ERBB4: variants seen among roughly 807,000 people sequenced by gnomAD.
ERBB4 encodes erb-b2 receptor tyrosine kinase 4.
A neutral mutation model predicts 158.0 loss-of-function variants in ERBB4; 42 were observed. That is an observed-to-expected ratio of 0.27 (90% CI 0.21 to 0.34). The LOEUF is 0.34. Among genes scored for constraint, ERBB4 ranks in the 10% least tolerant of loss-of-function variants. ERBB4 has a pLI of 1.00. For synonymous variants in ERBB4, 583 were observed against 558.7 expected (o/e 1.04, Z -0.61); for missense variants, 1,333 against 1,624.1 (o/e 0.82, Z 3.08).
chr2:212,384,710 G>C (rs1393909525), intron 1 of ERBB4, among the ~76,000 whole-genome samples: 1 of 151,306 alleles, frequency 6.6e-6, no homozygotes, highest in Non-Finnish European at 1.5e-5. Flanking sequence ...CATAATTACA[G>C]CATTCATTTT....
intron 20 of ERBB4, among the ~76,000 whole-genome samples, chr2:211,561,016 G>A (rs532893645): frequency 4.6e-5 from 7 of 152,234 alleles, no homozygotes; most frequent in African/African-American, 1.2e-4. Context: ...ATATTTTGAT[G>A]TAACTAAGAG....
In ERBB4 at chr2:212,267,199, T is replaced by G. The variant is rs1361553299; in HGVS notation, c.83-142296A>C. ...AAAGTTAAATTGAAGAGCTGCTTTG[T>G]GAACATGCATTTCAATAAACCATAA... On this transcript the variant is annotated intron_variant, in intron 1 of 27. Coordinates refer to ENST00000342788, the MANE Select transcript of ERBB4 (RefSeq NM_005235.3). Among the ~76,000 whole-genome samples, 7 of 152,102 alleles carry G rather than the reference T, an allele frequency of 4.6e-5. No homozygotes were observed. The East Asian group carries it at 1.4e-3, about 29-fold the overall frequency.
At chr2:212,062,057 TA>T (rs914117743) in intron 2 of ERBB4, among the ~76,000 whole-genome samples, 33 of 152,266 alleles carry the variant, frequency 2.2e-4, no homozygotes, top group African/African-American at 7.9e-4. Context: ...TTTATACTGT[TA>T]AAAAAATCTA....
chr2:211,383,719 G>A lies in ERBB4; in HGVS notation c.3823C>T (p.Arg1275Trp), dbSNP rs397514263. 56 of 1,613,892 alleles carry A rather than the reference G, an allele frequency of 3.5e-5. No individual in the cohort carries two copies. Among genetic ancestry groups the A allele is most frequent in the East Asian group, 1.1e-4 (5 of 44,882 alleles). Residue 1275 changes from arginine (R) to tryptophan (W), a missense_variant, in exon 28 of 28, where the codon CGG becomes TGG. This residue lies in a region of ERBB4 where 84 missense variants were observed against 110.8 expected (regional missense o/e 0.76). Transcript: ENST00000342788. Reference protein sequence around the residue: ...KYFYKQNGRIRPIVAENPEYL... With the variant: ...KYFYKQNGRIWPIVAENPEYL... ...TCAGGATTCTCTGCCACAATAGGCC[G>A]GATCCGCCCATTCTGTTTATAAAAA...
intron 2 of ERBB4, among the ~76,000 whole-genome samples, chr2:211,965,616 G>C (rs1382483266): frequency 6.6e-6 from 1 of 151,972 alleles, no homozygotes; most frequent in East Asian, 1.9e-4. Flanking sequence ...AGCAGAAAAT[G>C]AAAGTAGTTG....
intron 2 of ERBB4, among the ~76,000 whole-genome samples, chr2:212,112,509 A>G (rs1332398029): frequency 6.6e-6 from 1 of 151,924 alleles, no homozygotes; most frequent in East Asian, 1.9e-4. Flanking sequence ...TGGTTTCTTT[A>G]AGTAACAAAT....
intron 1 of ERBB4, among the ~76,000 whole-genome samples, chr2:212,210,213 C>A (rs1442761147): frequency 1.3e-4 from 17 of 135,626 alleles, no homozygotes; most frequent in East Asian, 4.4e-4. Context: ...AATGCTAGTG[C>A]AAAAAAAAAA....
intron 2 of ERBB4, among the ~76,000 whole-genome samples, chr2:212,008,059 C>A (rs62183383): frequency 6.6e-6 from 1 of 152,000 alleles, no homozygotes; most frequent in Admixed American, 6.6e-5. Context: ...TATTTTATTT[C>A]TAAAAATGTC....
chr2:212,141,053 AAC>A (rs2080449828), intron 1 of ERBB4, among the ~76,000 whole-genome samples: 2 of 151,890 alleles, frequency 1.3e-5, no homozygotes, highest in Non-Finnish European at 2.9e-5. Context: ...GTCTATATAT[AAC>A]TATTATATAA....
rs1173153876 is a variant in ERBB4 at position 211,446,418 on chromosome 2, G to A, written c.2488-15318C>T. On this transcript the variant is annotated intron_variant, in intron 20 of 27. Coordinates refer to ENST00000342788, the MANE Select transcript of ERBB4 (RefSeq NM_005235.3). ...CAGGAGGACAGAGATAAGGAAAAATGAACAAAAATAACTTCGTAGAAATAC... is the reference window on the plus strand; with the variant it reads ...CAGGAGGACAGAGATAAGGAAAAATAAACAAAAATAACTTCGTAGAAATAC... Among the ~76,000 whole-genome samples the A allele has an allele frequency of 2.0e-5, 3 of 152,252 alleles. No individual in the cohort carries two copies. In the East Asian group the frequency reaches 5.8e-4, roughly 29 times the overall value.
At position 211,393,726 on chromosome 2, in the gene ERBB4, TTAAGAGTTAATAGCGTGTGTGTGTG is replaced by T. The variant is rs1392217416; in HGVS notation, c.3136-5759_3136-5735del. Among the ~76,000 whole-genome samples the T allele has an allele frequency of 4.7e-5, 7 of 149,518 alleles. No individual in the cohort carries two copies. The East Asian group carries it at 1.2e-3, about 25-fold the overall frequency. On this transcript the variant is annotated intron_variant, in intron 25 of 27. Coordinates refer to ENST00000342788, the MANE Select transcript of ERBB4 (RefSeq NM_005235.3). ...ACTGGAAAGAAGGAAACTTTGAGTA[TTAAGAGTTAATAGCGTGTGTGTGTG>T]TGTGTGTGTGTGTGTGTGTGTGTGT... is the stretch of plus-strand genomic sequence containing the variant.
intron 10 of ERBB4, among the ~76,000 whole-genome samples, chr2:211,704,795 T>C (rs1374533587): frequency 6.6e-6 from 1 of 152,148 alleles, no homozygotes; most frequent in African/African-American, 2.4e-5. Context: ...TGTCAAACTT[T>C]CAAAGATACT....
Position 211,400,998 on chromosome 2 carries a change from A to G in ERBB4, c.3136-13006T>C, listed in dbSNP as rs534988057. On this transcript the variant is annotated intron_variant, in intron 25 of 27. Transcript: ENST00000342788. ...TGTCAAAATGATTGCTGTCACTGAC[A>G]TAAGTAAAATAATGAGAAATAATGT... Among the ~76,000 whole-genome samples, 312 of 152,270 alleles carry G rather than the reference A, an allele frequency of 2.0e-3. 2 individuals are homozygous for G. The highest frequency in any genetic ancestry group is 3.7e-3 in the Admixed American group (57 of 15,276).
chr2:211,548,788 C>G (rs568344714), intron 20 of ERBB4, among the ~76,000 whole-genome samples: 5 of 152,170 alleles, frequency 3.3e-5, no homozygotes, highest in African/African-American at 1.2e-4. Flanking sequence ...TTCCATGAAG[C>G]CCTGTCTACA....
intron 1 of ERBB4, among the ~76,000 whole-genome samples, chr2:212,224,699 A>G (rs1395900629): frequency 6.6e-6 from 1 of 151,990 alleles, no homozygotes; most frequent in Non-Finnish European, 1.5e-5. Flanking sequence ...GCCAACACGT[A>G]GCTTAAAAAG....
chr2:211,794,869 GTTTTC>G (rs1389995744), intron 3 of ERBB4, among the ~76,000 whole-genome samples: 2 of 151,696 alleles, frequency 1.3e-5, no homozygotes, highest in African/African-American at 2.4e-5. Context: ...TTCTCCCTGT[GTTTTC>G]TTATTTCTGT....
intron 3 of ERBB4, among the ~76,000 whole-genome samples, chr2:211,887,068 C>T (rs2078821245): frequency 6.6e-6 from 1 of 152,064 alleles, no homozygotes; most frequent in Non-Finnish European, 1.5e-5. Flanking sequence ...TGTAACTTTC[C>T]ACATTACTTA....
intron 20 of ERBB4, among the ~76,000 whole-genome samples, chr2:211,434,482 T>C (rs556395023): frequency 6.6e-6 from 1 of 152,350 alleles, no homozygotes; most frequent in African/African-American, 2.4e-5. Context: ...AACTAGACAC[T>C]AAATTTTCTT....
intron 2 of ERBB4, among the ~76,000 whole-genome samples, chr2:212,013,132 T>C (rs563844623): frequency 1.3e-5 from 2 of 151,604 alleles, no homozygotes; most frequent in Admixed American, 6.6e-5. Context: ...TCTCAGCTCA[T>C]TGCAATCTCC....
Sources: allele counts gnomAD v4.1 joint callset (sites outside exome capture counted in the v4.1 genomes callset), GRCh38; gene constraint gnomAD v4.1.1; regional missense constraint gnomAD v4.1.1; transcripts MANE v1.5; gene names NCBI Gene and HGNC (gene_info 2026-07-23, HGNC 2026-07-21).